The following PDLIM5 variants were observed in gnomAD, a reference collection of about 807,000 sequenced individuals.
PDLIM5 encodes PDZ and LIM domain protein 5.
In PDLIM5, 34 loss-of-function variants were observed where a neutral mutation model predicts 64.2. The ratio of observed to expected loss-of-function variants is 0.53; its 90% CI spans 0.40 to 0.71. The LOEUF (loss-of-function observed/expected upper bound fraction) is 0.71, where lower values mean the gene tolerates loss of function less well. Ranked by LOEUF, PDLIM5 falls within the 30% of genes least tolerant of loss-of-function variation. The pLI is 0.00. For missense variants in PDLIM5, 683 were observed against 733.6 expected (o/e 0.93, Z 0.80); for synonymous variants, 253 against 269.1 (o/e 0.94, Z 0.59).
intron 3 of PDLIM5, among the ~76,000 whole-genome samples, chr4:94,563,236 G>C (rs1444489538): frequency 6.6e-6 from 1 of 152,130 alleles, no homozygotes; most frequent in South Asian, 2.1e-4. Flanking sequence ...AATAATATGA[G>C]ATTTAGTGAT....
intron 2 of PDLIM5, among the ~76,000 whole-genome samples, chr4:94,490,905 A>G (rs1384466497): frequency 2.6e-5 from 4 of 152,182 alleles, no homozygotes; most frequent in Non-Finnish European, 5.9e-5. Context: ...ATGACTAGTT[A>G]TTTTTATACT....
chr4:94,647,696 C>A (rs1291849848), intron 9 of PDLIM5, among the ~76,000 whole-genome samples: 1 of 152,090 alleles, frequency 6.6e-6, no homozygotes, highest in African/African-American at 2.4e-5. Context: ...ACAGCAGAAT[C>A]CAGCAGAATA....
At chr4:94,468,940 T>A (rs1288616740) in intron 2 of PDLIM5, among the ~76,000 whole-genome samples, 1 of 152,158 alleles carries the variant, frequency 6.6e-6, no homozygotes, top group African/African-American at 2.4e-5. Context: ...GCACATGATA[T>A]GAAATGTAGG....
At chr4:94,533,797 T>A (rs189810399) in intron 3 of PDLIM5, among the ~76,000 whole-genome samples, 26 of 152,316 alleles carry the variant, frequency 1.7e-4, no homozygotes, top group Admixed American at 7.2e-4. Flanking sequence ...ACCATATTTG[T>A]TTTGTTTCTT....
At chr4:94,560,589 A>G (rs1160040477) in intron 3 of PDLIM5, among the ~76,000 whole-genome samples, 1 of 152,202 alleles carries the variant, frequency 6.6e-6, no homozygotes, top group East Asian at 1.9e-4. Flanking sequence ...AGGTTAAGTA[A>G]CTTGTCCCAG....
intron 8 of PDLIM5, among the ~76,000 whole-genome samples, chr4:94,623,379 T>C (rs1400267221): frequency 6.6e-6 from 1 of 152,228 alleles, no homozygotes; most frequent in Non-Finnish European, 1.5e-5. Context: ...TTATTTGAAA[T>C]GCTTTTCCAT....
chr4:94,473,477 G>A (rs1725057442), intron 2 of PDLIM5, among the ~76,000 whole-genome samples: 1 of 152,074 alleles, frequency 6.6e-6, no homozygotes, highest in Admixed American at 6.6e-5. Context: ...GGTCAGGCTG[G>A]TCTCGAACTC....
At chr4:94,531,253 A>G (rs780269856) in intron 3 of PDLIM5, among the ~76,000 whole-genome samples, 52 of 152,162 alleles carry the variant, frequency 3.4e-4, no homozygotes, top group Non-Finnish European at 4.9e-4. Context: ...CTGATTGATT[A>G]TGTCCCCCAT....
intron 2 of PDLIM5, 30 bp from the exon 3 acceptor site, chr4:94,523,694 G>A: frequency 1.9e-6 from 3 of 1,574,782 alleles, no homozygotes; most frequent in Non-Finnish European, 2.6e-6. Context: ...TTCAAAGAGT[G>A]ACACTCCTAA....
intron 8 of PDLIM5, among the ~76,000 whole-genome samples, chr4:94,639,078 G>A (rs1740796301): frequency 6.6e-6 from 1 of 152,162 alleles, no homozygotes; most frequent in African/African-American, 2.4e-5. Flanking sequence ...CTTCTGGGCT[G>A]AGACTTAAAC....
At chr4:94,571,223 TAGTC>T (rs758075818) in intron 3 of PDLIM5, among the ~76,000 whole-genome samples, 2 of 152,228 alleles carry the variant, frequency 1.3e-5, no homozygotes, top group Non-Finnish European at 2.9e-5. Flanking sequence ...GTTTTTAACA[TAGTC>T]AGTTATCACT....
At position 94,666,331 on chromosome 4, in the gene PDLIM5, G is replaced by A. The variant is rs778030236; in HGVS notation, c.*2264G>A. ...AAGGGGTGACACAAAGTAGCAAACT[G>A]AATACTTCTCCAATAGCAACCCCAA... On this transcript the variant is annotated 3_prime_UTR_variant, in exon 13 of 13. Coordinates refer to ENST00000317968, the MANE Select transcript of PDLIM5 (RefSeq NM_006457.5). 3.4e-4 allele frequency: 97 copies of A among 286,352 alleles called. No individual in the cohort carries two copies. Among genetic ancestry groups the A allele is most frequent in the Non-Finnish European group, 5.3e-4 (82 of 155,588 alleles). The allele number at this position is 286,352 out of a possible 1,614,324, so 17.7% of individuals were successfully genotyped here. A position where few individuals can be genotyped will look rare whatever the true frequency, so the allele number is the denominator to read the frequency against.
At chr4:94,626,997 G>A (rs538650976) in intron 8 of PDLIM5, among the ~76,000 whole-genome samples, 3 of 152,172 alleles carry the variant, frequency 2.0e-5, no homozygotes, top group South Asian at 2.1e-4. Flanking sequence ...GTAATAAATC[G>A]AGATAACTAA....
In PDLIM5 at chr4:94,640,260, CTGTTT is replaced by C; in HGVS notation, c.1109-14_1109-10del. On this transcript the variant is annotated splice_polypyrimidine_tract_variant and intron_variant, in intron 8 of 12. Transcript: ENST00000317968. Reference sequence around the variant, plus strand: ...GTGGCTTATTCTCATTCTGATTCTTCTGTTTTAACTCCTAGTACCTTCCACTGGAA... The same window carrying C: ...GTGGCTTATTCTCATTCTGATTCTTCTAACTCCTAGTACCTTCCACTGGAA... The C allele has an allele frequency of 6.8e-7, 1 of 1,480,030 alleles. No homozygotes were observed. Among genetic ancestry groups the C allele is most frequent in the Non-Finnish European group, 9.3e-7 (1 of 1,076,158 alleles). 91.7% of individuals were successfully genotyped at this position (1,480,030 alleles called of 1,614,324 possible).
At chr4:94,592,191 T>C (rs1560726879) in intron 7 of PDLIM5, among the ~76,000 whole-genome samples, 1 of 152,246 alleles carries the variant, frequency 6.6e-6, no homozygotes, top group Non-Finnish European at 1.5e-5. Flanking sequence ...ATCAGAGATA[T>C]GTGAATGAAG....
At chr4:94,660,586 G>C (rs1436193335) in intron 11 of PDLIM5, among the ~76,000 whole-genome samples, 2 of 151,908 alleles carry the variant, frequency 1.3e-5, no homozygotes, top group African/African-American at 4.8e-5. Flanking sequence ...TCTTTCCAAT[G>C]AGAATATGAG....
intron 2 of PDLIM5, among the ~76,000 whole-genome samples, chr4:94,462,321 CT>C (rs1485576197): frequency 2.0e-5 from 3 of 152,096 alleles, no homozygotes; most frequent in Non-Finnish European, 4.4e-5. Context: ...GGTATATCTC[CT>C]CCCCACCCTC....
chr4:94,661,480 A>G (rs1742709083), intron 11 of PDLIM5, among the ~76,000 whole-genome samples: 1 of 152,238 alleles, frequency 6.6e-6, no homozygotes, highest in Admixed American at 6.5e-5. Context: ...AAATCCTGTT[A>G]GTATTCTTAT....
At chr4:94,554,146 T>G (rs903377861) in intron 3 of PDLIM5, among the ~76,000 whole-genome samples, 7 of 152,228 alleles carry the variant, frequency 4.6e-5, no homozygotes, top group African/African-American at 7.2e-5. Flanking sequence ...TGCATTGTCC[T>G]TTTCCTGAGT....
Sources: gnomAD v4.1 joint callset for allele counts (sites outside exome capture counted in the v4.1 genomes callset) on GRCh38, gnomAD v4.1.1 for gene constraint, MANE v1.5 for transcripts, NCBI Gene and HGNC (gene_info 2026-07-23, HGNC 2026-07-21) for gene names.